Variants in HDHD5 observed in about 807,000 individuals in gnomAD.
The protein encoded by HDHD5 is haloacid dehalogenase like hydrolase domain containing 5.
A neutral mutation model predicts 35.5 loss-of-function variants in HDHD5; 34 were observed. That is an observed-to-expected ratio of 0.96 (90% CI 0.73 to 1.28). HDHD5 has a LOEUF of 1.28. Among genes scored for constraint, HDHD5 ranks in the 50% most tolerant of loss-of-function variants. The pLI is 0.00. For synonymous variants in HDHD5, 248 were observed against 240.6 expected, an observed-to-expected ratio of 1.03 and a Z score of -0.29; for missense variants, 589 against 560.2, an observed-to-expected ratio of 1.05 and a Z score of -0.52.
At position 17,159,130 on chromosome 22, in the gene HDHD5, G is replaced by A; in HGVS notation, c.122C>T (p.Ala41Val). 8.1e-7 allele frequency: 1 copy of A among 1,238,458 alleles called. No homozygotes were observed. The highest frequency in any genetic ancestry group is 1.0e-6 in the Non-Finnish European group (1 of 989,306). The allele number at this position is 1,238,458 out of a possible 1,614,324, so 76.7% of individuals were successfully genotyped here. Residue 41 changes from alanine (A) to valine (V), a missense_variant, in exon 1 of 8, where the codon GCT (alanine) becomes GTT (valine). Coordinates refer to ENST00000336737, the MANE Select transcript of HDHD5 (RefSeq NM_033070.3). Reference protein sequence around the residue: ...PARRCYAVGPAQSPPTFGFLL... With the variant: ...PARRCYAVGPVQSPPTFGFLL... ...CCAGAACCCGGACGTCCTCACCTGAGCGGGGCCCACAGCATAGCACCTGCG... is the reference window on the plus strand; with the variant it reads ...CCAGAACCCGGACGTCCTCACCTGAACGGGGCCCACAGCATAGCACCTGCG...
intron 1 of HDHD5, among the ~76,000 whole-genome samples, chr22:17,153,012 A>C (rs1198421374): frequency 1.3e-5 from 2 of 152,114 alleles, no homozygotes; most frequent in South Asian, 4.2e-4. Flanking sequence ...GAACACCAAA[A>C]AACAGCTGCC....
Position 17,152,357 on chromosome 22 carries a change from G to T in HDHD5, c.127-2612C>A, listed in dbSNP as rs534414024. On this transcript the variant is annotated intron_variant, in intron 1 of 7. Transcript: ENST00000336737. ...GGAGCATTTACCTGGGAGAGTGGTG[G>T]TAAGAATGGAGATCAGGGGGCATTA... Among the ~76,000 whole-genome samples the T allele has an allele frequency of 3.3e-5, 5 of 152,014 alleles. No individual in the cohort carries two copies. In the South Asian group the frequency reaches 1.0e-3, roughly 32 times the overall value.
chr22:17,137,946 T>C lies in HDHD5; in HGVS notation c.*75A>G. The C allele has an allele frequency of 2.3e-6, 3 of 1,283,362 alleles. No individual in the cohort carries two copies. Among genetic ancestry groups the C allele is most frequent in the South Asian group, 2.9e-5 (2 of 69,830 alleles). 79.5% of individuals were successfully genotyped at this position (1,283,362 alleles called of 1,614,324 possible). A position where few individuals can be genotyped will look rare whatever the true frequency, so the allele number is the denominator to read the frequency against. ...GAACCAAGCCCTGACCTGAGCCCAG[T>C]GATCAGGCCAGAGCCCAGCCAATGG... On this transcript the variant is annotated 3_prime_UTR_variant, in exon 8 of 8. Transcript: ENST00000336737.
chr22:17,150,680 A>C (rs2061716496), intron 1 of HDHD5, among the ~76,000 whole-genome samples: 1 of 152,028 alleles, frequency 6.6e-6, no homozygotes, highest in African/African-American at 2.4e-5. Context: ...CACCATGCCC[A>C]CCTAATATTT....
intron 1 of HDHD5, among the ~76,000 whole-genome samples, chr22:17,157,986 A>T (rs1222862100): frequency 1.3e-5 from 2 of 152,210 alleles, no homozygotes; most frequent in Non-Finnish European, 2.9e-5. Context: ...AAGTACTTAG[A>T]ATAGTGCCTG....
At chr22:17,140,271 C>G (rs1462380376) in intron 6 of HDHD5, among the ~76,000 whole-genome samples, 2 of 152,294 alleles carry the variant, frequency 1.3e-5, no homozygotes, top group Non-Finnish European at 2.9e-5. Context: ...AGTAAGCACC[C>G]TGAGGCCAAA....
intron 1 of HDHD5, among the ~76,000 whole-genome samples, chr22:17,156,593 A>G (rs1156459142): frequency 6.6e-6 from 1 of 152,026 alleles, no homozygotes; most frequent in Non-Finnish European, 1.5e-5. Flanking sequence ...TGGCTAACAC[A>G]GTGAAACCCC....
intron 1 of HDHD5, among the ~76,000 whole-genome samples, chr22:17,153,032 C>T (rs1248771953): frequency 6.6e-6 from 1 of 152,152 alleles, no homozygotes; most frequent in East Asian, 1.9e-4. Context: ...CAAGAGAAAA[C>T]TGACCAAGCC....
chr22:17,141,005 G>C, intron 6 of HDHD5, 54 bp downstream of exon 6: 1 of 1,489,204 alleles, frequency 6.7e-7, no homozygotes. Context: ...GGACTGCCCA[G>C]GCAGCAGCCA....
chr22:17,148,197 G>A (rs78776352), intron 3 of HDHD5, among the ~76,000 whole-genome samples: 52 of 152,242 alleles, frequency 3.4e-4, no homozygotes, highest in African/African-American at 1.2e-3. Context: ...AGGCTCCAGC[G>A]CAGATACCCT....
intron 6 of HDHD5, among the ~76,000 whole-genome samples, chr22:17,139,604 G>A (rs2061577199): frequency 6.6e-6 from 1 of 151,706 alleles, no homozygotes; most frequent in Non-Finnish European, 1.5e-5. Context: ...CTTGACACCT[G>A]GAATGCTGAT....
upstream of HDHD5, among the ~76,000 whole-genome samples, chr22:17,161,075 C>T (rs58651982): frequency 9.8e-4 from 143 of 146,350 alleles, no homozygotes; most frequent in African/African-American, 3.4e-3. Context: ...GCCAACATGG[C>T]GAAACCCGTC....
At chr22:17,145,202 C>A in intron 3 of HDHD5, 85 bp from the exon 4 acceptor site, 3 of 1,571,024 alleles carry the variant, frequency 1.9e-6, no homozygotes, top group Non-Finnish European at 2.6e-6. Flanking sequence ...GAAGGGAACA[C>A]AACCCACTCC....
chr22:17,152,603 T>C (rs374151164), intron 1 of HDHD5, among the ~76,000 whole-genome samples: 74 of 152,184 alleles, frequency 4.9e-4, no homozygotes, highest in African/African-American at 1.7e-3. Context: ...GACAGGCAAG[T>C]GGAGACATCA....
intron 1 of HDHD5, among the ~76,000 whole-genome samples, chr22:17,157,114 A>ACACACACACAC (rs1555881519): frequency 2.7e-5 from 4 of 148,198 alleles, no homozygotes; most frequent in Admixed American, 1.3e-4. Context: ...ACACACACAC[A>ACACACACACAC]AAAGAAAAAA....
chr22:17,141,475 T>C, intron 5 of HDHD5: 1 of 1,336,638 alleles, frequency 7.5e-7, no homozygotes, highest in Non-Finnish European at 9.5e-7. Flanking sequence ...CCACCAGTGC[T>C]TCACAGAAGA....
At chr22:17,160,782 A>G (rs752503470), upstream of HDHD5, among the ~76,000 whole-genome samples, 3 of 152,210 alleles carry the variant, frequency 2.0e-5, no homozygotes, top group Non-Finnish European at 4.4e-5. Flanking sequence ...GACTAATTCA[A>G]GTCAGTCAAA....
chr22:17,159,028 T>C, intron 1 of HDHD5, 98 bp downstream of exon 1: 1 of 1,082,832 alleles, frequency 9.2e-7, no homozygotes. Flanking sequence ...CCCAGGAGGC[T>C]GGGATACCAG....
chr22:17,138,001 T>C lies in HDHD5; in HGVS notation c.*20A>G, dbSNP rs772025344. 3.1e-6 allele frequency: 5 copies of C among 1,589,734 alleles called. No individual in the cohort carries two copies. Among genetic ancestry groups the C allele is most frequent in the Non-Finnish European group, 4.3e-6 (5 of 1,163,292 alleles). ...CGCCCACAGGTCCAGGCTCACCCCC[T>C]CACCTCCACCGCACTGCCCTCACTC... On this transcript the variant is annotated 3_prime_UTR_variant, in exon 8 of 8. Coordinates refer to ENST00000336737, the MANE Select transcript of HDHD5 (RefSeq NM_033070.3).
Sources: gnomAD v4.1 joint callset for allele counts (sites outside exome capture counted in the v4.1 genomes callset) on GRCh38, gnomAD v4.1.1 for gene constraint, MANE v1.5 for transcripts, NCBI Gene and HGNC (gene_info 2026-07-23, HGNC 2026-07-21) for gene names.